The following TAF2 variants were observed in gnomAD, a reference collection of about 807,000 sequenced individuals.
The protein encoded by TAF2 is transcription initiation factor TFIID subunit 2.
Under a neutral mutation model 138.5 loss-of-function variants are expected in TAF2, and 61 were observed. That is an observed-to-expected ratio of 0.44 (90% CI 0.36 to 0.54). The LOEUF (loss-of-function observed/expected upper bound fraction) is 0.54. Ranked by LOEUF, TAF2 falls within the 20% of genes least tolerant of loss-of-function variation. The pLI, the probability that TAF2 is intolerant of heterozygous loss-of-function variation, is 0.00. For missense variants in TAF2, 1,090 were observed against 1,427.9 expected (o/e 0.76, Z 3.81); for synonymous variants, 475 against 469.9 (o/e 1.01, Z -0.14).
intron 4 of TAF2, among the ~76,000 whole-genome samples, chr8:119,804,306 T>C (rs1478697260): frequency 6.6e-6 from 1 of 152,172 alleles, no homozygotes; most frequent in Non-Finnish European, 1.5e-5. Context: ...TTTCTGACAA[T>C]GTACAATGCC....
intron 22 of TAF2, among the ~76,000 whole-genome samples, chr8:119,753,840 A>G (rs1010667925): frequency 1.3e-5 from 2 of 152,216 alleles, no homozygotes; most frequent in African/African-American, 4.8e-5. Flanking sequence ...TCAAGGAATC[A>G]TGTATTCTGG....
chr8:119,784,054 C>T (rs879559608), intron 15 of TAF2, among the ~76,000 whole-genome samples: 2 of 152,124 alleles, frequency 1.3e-5, no homozygotes, highest in East Asian at 3.9e-4. Flanking sequence ...TCGCCTTTTT[C>T]AAACAGCAAG....
At chr8:119,791,545 C>G (rs1199865350) in intron 10 of TAF2, 86 bp from the exon 11 acceptor site, 1 of 1,465,720 alleles carries the variant, frequency 6.8e-7, no homozygotes, top group Non-Finnish European at 9.2e-7. Flanking sequence ...AAGAAAATAC[C>G]CAAAAAACCT....
At chr8:119,805,082 T>C (rs1447301606) in intron 4 of TAF2, among the ~76,000 whole-genome samples, 1 of 152,188 alleles carries the variant, frequency 6.6e-6, no homozygotes, top group Non-Finnish European at 1.5e-5. Context: ...ACAAGGACTC[T>C]TTTACTTCCT....
chr8:119,813,714 G>T (rs1314332004), intron 3 of TAF2, among the ~76,000 whole-genome samples: 1 of 152,214 alleles, frequency 6.6e-6, no homozygotes, highest in African/African-American at 2.4e-5. Flanking sequence ...TAGGGGAAAG[G>T]TATGTATTTA....
At chr8:119,814,544 T>G (rs1255576620) in intron 3 of TAF2, among the ~76,000 whole-genome samples, 7 of 151,644 alleles carry the variant, frequency 4.6e-5, no homozygotes, top group African/African-American at 1.7e-4. Flanking sequence ...CCCTCCTTGG[T>G]GGAAATTAAA....
At chr8:119,785,125 T>C in intron 15 of TAF2, 76 bp downstream of exon 15, 2 of 1,175,874 alleles carry the variant, frequency 1.7e-6, no homozygotes, top group Admixed American at 3.5e-5. Flanking sequence ...TTATACACTT[T>C]TACGTACGCA....
intron 18 of TAF2, among the ~76,000 whole-genome samples, chr8:119,764,132 C>T (rs2131069230): frequency 6.6e-6 from 1 of 151,794 alleles, no homozygotes; most frequent in Non-Finnish European, 1.5e-5. Flanking sequence ...GGTGAGAGAG[C>T]CAGACTCCAT....
intron 11 of TAF2, among the ~76,000 whole-genome samples, chr8:119,790,892 A>G (rs939152901): frequency 6.6e-6 from 1 of 151,942 alleles, no homozygotes; most frequent in African/African-American, 2.4e-5. Flanking sequence ...AACCTCCTGG[A>G]CTCAAGCAAT....
At chr8:119,753,909 T>A (rs1427279458) in intron 22 of TAF2, among the ~76,000 whole-genome samples, 1 of 152,180 alleles carries the variant, frequency 6.6e-6, no homozygotes, top group East Asian at 1.9e-4. Context: ...GAATGAACCT[T>A]TATAAGTTCC....
intron 11 of TAF2, among the ~76,000 whole-genome samples, chr8:119,790,435 CA>C (rs367801935): frequency 6.2e-5 from 9 of 145,962 alleles, no homozygotes; most frequent in African/African-American, 1.8e-4. Context: ...GACCCTATCT[CA>C]AAAAAAAACA....
chr8:119,781,911 C>A (rs1235826459), intron 16 of TAF2, among the ~76,000 whole-genome samples: 2 of 152,110 alleles, frequency 1.3e-5, no homozygotes, highest in Non-Finnish European at 2.9e-5. Context: ...TGGTCTTGAA[C>A]TATTGACCTC....
rs1284702843 is a variant in TAF2, at chr8:119,801,174, A to G, written c.792+620T>C. ...GGACCACAACATTCAAAAACATGAT[A>G]AATGAAAAGATGTCATTAGTAATGA... On this transcript the variant is annotated intron_variant, in intron 6 of 25. Coordinates refer to ENST00000378164, the MANE Select transcript of TAF2 (RefSeq NM_003184.4). Among the ~76,000 whole-genome samples the G allele has an allele frequency of 4.6e-5, 7 of 152,206 alleles. No individual in the cohort carries two copies. The South Asian group carries it at 1.4e-3, about 31-fold the overall frequency.
chr8:119,831,857 T>C, intron 1 of TAF2, 126 bp from the exon 2 acceptor site: 1 of 659,276 alleles, frequency 1.5e-6, no homozygotes, highest in Non-Finnish European at 2.3e-6. Flanking sequence ...TGTCAATATT[T>C]CATTTTAAAA....
rs1010835800 is a variant in TAF2 at position 119,746,984 on chromosome 8, C to T, written c.2879-50G>A. On this transcript the variant is annotated intron_variant, in intron 22 of 25. Coordinates refer to ENST00000378164, the MANE Select transcript of TAF2 (RefSeq NM_003184.4). ...GAGTCAATATGCACATTGATTCATA[C>T]ATTTTAACTGTCCCAGAACCTGAAC... 5.1e-6 allele frequency: 8 copies of T among 1,560,780 alleles called. No individual in the cohort carries two copies. The African/African-American group carries it at 5.4e-5, about 11-fold the overall frequency.
In TAF2 at chr8:119,822,731, G is replaced by T. The variant is rs116835455; in HGVS notation, c.139-3225C>A. Reference sequence around the variant, plus strand: ...CTGATGCTGACATTATGAACTCAAAGGTCCACAATGCCTCTCCTCACCCCT... The same window carrying T: ...CTGATGCTGACATTATGAACTCAAATGTCCACAATGCCTCTCCTCACCCCT... On this transcript the variant is annotated intron_variant, in intron 2 of 25. Coordinates refer to ENST00000378164, the MANE Select transcript of TAF2 (RefSeq NM_003184.4). 9.1e-3 allele frequency among the ~76,000 whole-genome samples: 1,380 copies of T among 152,160 alleles called. 21 individuals are homozygous for T. Among genetic ancestry groups the T allele is most frequent in the African/African-American group, 0.032 (1,316 of 41,520 alleles).
chr8:119,757,840 G>T (rs1820801482), intron 21 of TAF2, among the ~76,000 whole-genome samples: 2 of 151,984 alleles, frequency 1.3e-5, no homozygotes, highest in Non-Finnish European at 2.9e-5. Flanking sequence ...AGGTTGCAGT[G>T]AGCCGAGATC....
At chr8:119,824,521 G>A (rs376115962) in intron 2 of TAF2, among the ~76,000 whole-genome samples, 2 of 152,176 alleles carry the variant, frequency 1.3e-5, no homozygotes, top group African/African-American at 2.4e-5. Flanking sequence ...GGAGCTGAAT[G>A]TTAATCCCCA....
At position 119,827,984 on chromosome 8, in the gene TAF2, C is replaced by A. The variant is rs190268454; in HGVS notation, c.138+3693G>T. Among the ~76,000 whole-genome samples, 780 of 152,246 alleles carry A rather than the reference C, an allele frequency of 5.1e-3. 4 individuals carry two copies. The highest frequency in any genetic ancestry group is 8.5e-3 in the Non-Finnish European group (581 of 68,000). ...GGTCTCAAACTCCTGACCTCGTGAT[C>A]TGCCCACCTCGGCCTCCCAAAGTGC... On this transcript the variant is annotated intron_variant, in intron 2 of 25. Coordinates refer to ENST00000378164, the MANE Select transcript of TAF2 (RefSeq NM_003184.4).
Sources: allele counts gnomAD v4.1 joint callset (sites outside exome capture counted in the v4.1 genomes callset), GRCh38; gene constraint gnomAD v4.1.1; transcripts MANE v1.5; gene names NCBI Gene and HGNC (gene_info 2026-07-23, HGNC 2026-07-21).